PTPRT: variants seen among roughly 807,000 people sequenced by gnomAD.
The protein encoded by PTPRT is receptor-type tyrosine-protein phosphatase T.
In PTPRT, 56 loss-of-function variants were observed where a neutral mutation model predicts 176.8. The ratio of observed to expected loss-of-function variants is 0.32; its 90% CI spans 0.26 to 0.40. The LOEUF (loss-of-function observed/expected upper bound fraction) is 0.40. PTPRT is among the 10% of genes least tolerant of loss of function. The pLI is 1.00. For synonymous variants in PTPRT, 783 were observed against 739.0 expected, an observed-to-expected ratio of 1.06 and a Z score of -0.96; for missense variants, 1,540 against 1,908.2, an observed-to-expected ratio of 0.81 and a Z score of 3.60.
intron 9 of PTPRT, among the ~76,000 whole-genome samples, chr20:42,416,589 C>T (rs1463716037): frequency 6.6e-6 from 1 of 152,184 alleles, no homozygotes; most frequent in Non-Finnish European, 1.5e-5. Context: ...AAATTGTTTG[C>T]AACCTGGCCC....
chr20:43,026,181 G>A (rs551693907), intron 1 of PTPRT, among the ~76,000 whole-genome samples: 12 of 152,102 alleles, frequency 7.9e-5, no homozygotes, highest in Admixed American at 2.0e-4. Context: ...GCAGTGGTGC[G>A]ACCTCAGCTC....
At chr20:42,999,662 C>G (rs1984438678) in intron 1 of PTPRT, among the ~76,000 whole-genome samples, 1 of 150,928 alleles carries the variant, frequency 6.6e-6, no homozygotes, top group Non-Finnish European at 1.5e-5. Context: ...TTTTAATCAG[C>G]TGGGCATGAT....
At chr20:42,349,930 C>G (rs1396647664) in intron 11 of PTPRT, among the ~76,000 whole-genome samples, 1 of 152,212 alleles carries the variant, frequency 6.6e-6, no homozygotes, top group South Asian at 2.1e-4. Context: ...TTGGTAAAAT[C>G]AGCAGTTTTA....
At chr20:42,593,950 G>GA (rs1319955642) in intron 7 of PTPRT, among the ~76,000 whole-genome samples, 2 of 152,220 alleles carry the variant, frequency 1.3e-5, no homozygotes, top group African/African-American at 4.8e-5. Flanking sequence ...GAGAGAGGTT[G>GA]AAGCTGGAGA....
intron 22 of PTPRT, 29 bp from the exon 23 acceptor site, chr20:42,110,516 C>T (rs1986914242): frequency 1.3e-6 from 2 of 1,562,538 alleles, no homozygotes; most frequent in Non-Finnish European, 1.7e-6. Context: ...TCTGTTCTTC[C>T]AGCTGCTGCC....
intron 2 of PTPRT, among the ~76,000 whole-genome samples, chr20:42,807,175 C>A (rs2077622805): frequency 6.6e-6 from 1 of 152,224 alleles, no homozygotes; most frequent in Non-Finnish European, 1.5e-5. Flanking sequence ...TAGATTGGTA[C>A]AGACCTTTAT....
In PTPRT at chr20:42,136,278, C is replaced by A. The variant is rs556510584; in HGVS notation, c.2770+5637G>T. Among the ~76,000 whole-genome samples the A allele has an allele frequency of 9.6e-5, 11 of 114,294 alleles. No homozygotes were observed. The South Asian group carries it at 3.5e-3, about 37-fold the overall frequency. 75.0% of individuals were successfully genotyped at this position (114,294 alleles called of 152,430 possible). A position where few individuals can be genotyped will look rare whatever the true frequency, so the allele number is the denominator to read the frequency against. ...TTTTTCAGAGAAAAGAGATTTGACTCATTACAATGAATTGTGGAGCTGAAA... is the reference window on the plus strand; with the variant it reads ...TTTTTCAGAGAAAAGAGATTTGACTAATTACAATGAATTGTGGAGCTGAAA... On this transcript the variant is annotated intron_variant, in intron 18 of 30. Coordinates refer to ENST00000373187, the MANE Select transcript of PTPRT (RefSeq NM_007050.6).
intron 7 of PTPRT, among the ~76,000 whole-genome samples, chr20:42,577,908 C>A (rs2073291436): frequency 7.0e-6 from 1 of 142,114 alleles, no homozygotes; most frequent in Non-Finnish European, 1.5e-5. Flanking sequence ...GAAAAACCTT[C>A]AGACCTGAGC....
intron 1 of PTPRT, among the ~76,000 whole-genome samples, chr20:43,077,742 C>A (rs2011316742): frequency 6.6e-6 from 1 of 152,158 alleles, no homozygotes; most frequent in African/African-American, 2.4e-5. Flanking sequence ...CTCCCAGTAA[C>A]CCCTTTTGTG....
chr20:43,087,388 TC>T (rs149871178), intron 1 of PTPRT, among the ~76,000 whole-genome samples: 1,854 of 34,602 alleles, frequency 0.054, 36 homozygotes, highest in African/African-American at 0.15. Context: ...TTTTTTTTTT[TC>T]TCCGAAACAG....
chr20:43,065,232 G>A (rs1301710387), intron 1 of PTPRT, among the ~76,000 whole-genome samples: 1 of 152,206 alleles, frequency 6.6e-6, no homozygotes. Context: ...TCATGCCACA[G>A]TCCAATATAG....
chr20:42,826,261 G>A (rs966913615), intron 2 of PTPRT, among the ~76,000 whole-genome samples: 3 of 152,150 alleles, frequency 2.0e-5, no homozygotes, highest in Non-Finnish European at 4.4e-5. Context: ...CTTCATGAGT[G>A]CAGAAGGCTT....
intron 2 of PTPRT, among the ~76,000 whole-genome samples, chr20:42,862,107 T>C (rs1483957196): frequency 6.6e-6 from 1 of 152,174 alleles, no homozygotes. Flanking sequence ...CACAACATTT[T>C]ACCCTTTTTT....
rs1235423048 is a variant in PTPRT at position 42,336,494 on chromosome 20, A to C, written c.1865+14134T>G. On this transcript the variant is annotated intron_variant, in intron 11 of 30. Transcript: ENST00000373187. ...GCTATTTGATTTTCCAACTATGTGT[A>C]TTTGTTACTTTGAGATTTTTTAATT... 2.6e-5 allele frequency among the ~76,000 whole-genome samples: 4 copies of C among 152,192 alleles called. No individual in the cohort carries two copies. In the East Asian group the frequency reaches 7.7e-4, roughly 29 times the overall value.
rs141343130 is a variant in PTPRT, at chr20:42,243,647, G to A, written c.2312+5040C>T. Among the ~76,000 whole-genome samples the A allele has an allele frequency of 2.5e-3, 377 of 152,238 alleles. 2 individuals are homozygous for A. The highest frequency in any genetic ancestry group is 8.3e-3 in the African/African-American group (345 of 41,542). On this transcript the variant is annotated intron_variant, in intron 14 of 30. Coordinates refer to ENST00000373187, the MANE Select transcript of PTPRT (RefSeq NM_007050.6). Reference sequence around the variant, plus strand: ...AAGCCCCAGAGAGGAAAGTGGTACCGAATCTGAGTCACATGTTTCTTAGTC... The same window carrying A: ...AAGCCCCAGAGAGGAAAGTGGTACCAAATCTGAGTCACATGTTTCTTAGTC...
chr20:42,599,718 A>G (rs1371253089), intron 7 of PTPRT, among the ~76,000 whole-genome samples: 1 of 152,156 alleles, frequency 6.6e-6, no homozygotes, highest in Non-Finnish European at 1.5e-5. Context: ...TAAAGCCATG[A>G]GTGATGTCAA....
chr20:42,049,936 C>G, the PTPRT span, among the ~76,000 whole-genome samples: 1 of 152,156 alleles, frequency 6.6e-6, no homozygotes, highest in Non-Finnish European at 1.5e-5. Context: ...CCCTCCTATC[C>G]CCCCACCATC....
intron 6 of PTPRT, among the ~76,000 whole-genome samples, chr20:42,739,511 G>A (rs1447652026): frequency 1.3e-5 from 2 of 152,124 alleles, no homozygotes; most frequent in Admixed American, 1.3e-4. Flanking sequence ...AAGAGAGAGG[G>A]AAGGGGCAGA....
chr20:42,792,439 G>C (rs907165998), intron 2 of PTPRT, among the ~76,000 whole-genome samples: 1 of 152,110 alleles, frequency 6.6e-6, no homozygotes, highest in Non-Finnish European at 1.5e-5. Flanking sequence ...AAGTAAAGTT[G>C]GTGCAAAATA....
Sources: gnomAD v4.1 joint callset for allele counts (sites outside exome capture counted in the v4.1 genomes callset) on GRCh38, gnomAD v4.1.1 for gene constraint, MANE v1.5 for transcripts, NCBI Gene and HGNC (gene_info 2026-07-23, HGNC 2026-07-21) for gene names.